The following ANKRD13D variants were observed in gnomAD, a reference collection of about 807,000 sequenced individuals.
ANKRD13D encodes the protein ankyrin repeat domain 13D, also known as ankyrin repeat domain-containing protein 13D.
A neutral mutation model predicts 68.8 loss-of-function variants in ANKRD13D; 24 were observed. The ratio of observed to expected loss-of-function variants is 0.35; its 90% CI spans 0.25 to 0.49. The LOEUF is 0.49. Among genes scored for constraint, ANKRD13D ranks in the 20% least tolerant of loss-of-function variants. The probability of loss-of-function intolerance (pLI) is 0.99; values close to 1 mark genes in which losing one functional copy is unlikely to be tolerated. For missense variants in ANKRD13D, 735 were observed against 832.1 expected (o/e 0.88, Z 1.44); for synonymous variants, 331 against 336.1 (o/e 0.98, Z 0.16).
intron 6 of ANKRD13D, among the ~76,000 whole-genome samples, chr11:67,292,594 T>G (rs894792230): frequency 1.3e-5 from 2 of 151,742 alleles, no homozygotes; most frequent in African/African-American, 4.8e-5. Context: ...ACATGCCCCC[T>G]CTTGCCTTAA....
intron 3 of ANKRD13D, 47 bp downstream of exon 3, chr11:67,290,493 C>T: frequency 6.6e-7 from 1 of 1,521,834 alleles, no homozygotes; most frequent in Non-Finnish European, 8.9e-7. Context: ...GGCAGGGCAC[C>T]ACCCTGGTTA....
Position 67,299,687 on chromosome 11 carries a change from G to C in ANKRD13D, c.880+76G>C. The stretch of plus-strand genomic sequence containing the variant: ...CACCCTGGCCTGGGATTAGGGGCCA[G>C]AGTTTCCCAGGATGAGCTGGGAGGC... On this transcript the variant is annotated intron_variant, in intron 8 of 14. Transcript: ENST00000511455. This position sits in a 1 kb window ranked among gnomAD's most constrained non-coding sequence, Gnocchi z 6.2. 4 of 1,532,662 alleles carry C rather than the reference G, an allele frequency of 2.6e-6. No individual in the cohort carries two copies. Among genetic ancestry groups the C allele is most frequent in the East Asian group, 2.4e-5 (1 of 41,178 alleles). 94.9% of individuals were successfully genotyped at this position (1,532,662 alleles called of 1,614,324 possible). A position where few individuals can be genotyped will look rare whatever the true frequency, so the allele number is the denominator to read the frequency against.
Position 67,301,976 on chromosome 11 carries a change from G to T in ANKRD13D, c.1605-143G>T. Reference sequence around the variant, plus strand: ...GCCACCAAAGGTGGTGTGAGGGGTGGGGAAGCAGGGCCCTGCCTTGTCTCC... The same window carrying T: ...GCCACCAAAGGTGGTGTGAGGGGTGTGGAAGCAGGGCCCTGCCTTGTCTCC... On this transcript the variant is annotated intron_variant, in intron 14 of 14. Coordinates refer to ENST00000511455, the MANE Select transcript of ANKRD13D (RefSeq NM_207354.3). This position sits in a 1 kb window ranked among gnomAD's most constrained non-coding sequence, Gnocchi z 4.5. 1 of 1,341,822 alleles carries T rather than the reference G, an allele frequency of 7.5e-7. No individual in the cohort carries two copies. The highest frequency in any genetic ancestry group is 1.5e-5 in the South Asian group (1 of 66,690). 83.1% of individuals were successfully genotyped at this position (1,341,822 alleles called of 1,614,324 possible). A position where few individuals can be genotyped will look rare whatever the true frequency, so the allele number is the denominator to read the frequency against.
In ANKRD13D at chr11:67,299,547, C is replaced by G. The variant is rs537402292; in HGVS notation, c.816C>G (p.Asn272Lys). Residue 272 changes from asparagine (N) to lysine (K), a missense_variant, in exon 8 of 15, where the codon AAC (asparagine) becomes AAG (lysine). Transcript: ENST00000511455. The surrounding 1 kb of genome is among the most constrained non-coding windows in gnomAD (Gnocchi z 6.2). ...CTCCCCAGGTGTACAGTGCCACCAACGTGGAGCTGGTGACACGCACACGCA... is the reference window on the plus strand; with the variant it reads ...CTCCCCAGGTGTACAGTGCCACCAAGGTGGAGCTGGTGACACGCACACGCA... ...GYEAKVYSAT[N>K]VELVTRTRTE... 2 of 1,550,858 alleles carry G rather than the reference C, an allele frequency of 1.3e-6. No homozygotes were observed. The highest frequency in any genetic ancestry group is 2.4e-5 in the East Asian group (1 of 40,930).
In ANKRD13D at chr11:67,301,646, G is replaced by A. The variant is rs772851895; in HGVS notation, c.1507G>A (p.Glu503Lys). ...QSLLEAGTEA[E>K]QVTVWEALTN... ...CCTGCTTGAAGCGGGCACTGAGGCG[G>A]AGCAGGTGGGACTTGCCCAGGGGGT... The change falls in exon 13 of 15, where the codon GAG (glutamate) becomes AAG (lysine). Residue 503 changes from glutamate (E) to lysine (K), a missense_variant. Coordinates refer to ENST00000511455, the MANE Select transcript of ANKRD13D (RefSeq NM_207354.3). The surrounding 1 kb of genome is among the most constrained non-coding windows in gnomAD (Gnocchi z 4.5). 1.2e-6 allele frequency: 2 copies of A among 1,611,998 alleles called. No individual in the cohort carries two copies. The highest frequency in any genetic ancestry group is 1.7e-6 in the Non-Finnish European group (2 of 1,179,776).
Position 67,289,430 on chromosome 11 carries a change from G to A in ANKRD13D, c.-31G>A. 7.1e-7 allele frequency: 1 copy of A among 1,412,618 alleles called. No individual in the cohort carries two copies. The highest frequency in any genetic ancestry group is 9.2e-7 in the Non-Finnish European group (1 of 1,088,876). 87.5% of individuals were successfully genotyped at this position (1,412,618 alleles called of 1,614,324 possible). A position where few individuals can be genotyped will look rare whatever the true frequency, so the allele number is the denominator to read the frequency against. ...GGGCCGTGCCAGGCCCGAAGCCGAG[G>A]CGGGGCCGGGATGCGGCGCTGAGGC... On this transcript the variant is annotated 5_prime_UTR_variant, in exon 1 of 15. Coordinates refer to ENST00000511455, the MANE Select transcript of ANKRD13D (RefSeq NM_207354.3).
chr11:67,289,742 C>A (rs1394218236), intron 1 of ANKRD13D, 192 bp downstream of exon 1: 1 of 1,407,428 alleles, frequency 7.1e-7, no homozygotes, highest in Admixed American at 3.0e-5. Context: ...CTCTCCCCTG[C>A]GCTGGGCCTT....
At position 67,302,268 on chromosome 11, in the gene ANKRD13D, G is replaced by GGC; in HGVS notation, c.1758_1759dup (p.Gly587AlafsTer23). 1 of 1,569,142 alleles carries GGC rather than the reference G, an allele frequency of 6.4e-7. No individual in the cohort carries two copies. Among genetic ancestry groups the GGC allele is most frequent in the Non-Finnish European group, 8.6e-7 (1 of 1,156,536 alleles). On this transcript the variant is annotated frameshift_variant, in exon 15 of 15. Transcript: ENST00000511455. LOFTEE classifies it high-confidence loss of function. The stretch of plus-strand genomic sequence containing the variant: ...TCACGGGAGCAGGAGGAGCGGGAGC[G>GGC]GCGCGGGCAGCAGGAGGAGGAGGAC...
In ANKRD13D at chr11:67,301,751, T is replaced by C; in HGVS notation, c.1532T>C (p.Leu511Pro). 2.5e-6 allele frequency: 4 copies of C among 1,611,430 alleles called. No individual in the cohort carries two copies. The highest frequency in any genetic ancestry group is 3.4e-6 in the Non-Finnish European group (4 of 1,179,586). ...CTGCAGGTGACCGTCTGGGAAGCCC[T>C]GACCAACACCCGGCCCGGTGCCCGC... ...EAEQVTVWEA[L>P]TNTRPGARPP... Residue 511 changes from leucine (L) to proline (P), a missense_variant, in exon 14 of 15, where the codon CTG (leucine) becomes CCG (proline). Coordinates refer to ENST00000511455, the MANE Select transcript of ANKRD13D (RefSeq NM_207354.3). This position sits in a 1 kb window ranked among gnomAD's most constrained non-coding sequence, Gnocchi z 4.5.
Position 67,291,537 on chromosome 11 carries a change from T to C in ANKRD13D, c.397+16T>C. 1 of 1,613,714 alleles carries C rather than the reference T, an allele frequency of 6.2e-7. No homozygotes were observed. The highest frequency in any genetic ancestry group is 1.3e-5 in the African/African-American group (1 of 74,912). On this transcript the variant is annotated intron_variant, in intron 4 of 14. Transcript: ENST00000511455. ...ACCAGCTGGGGTGAGTGGGGACCTC[T>C]GGGCTCCCAGGGATTTGGGGTGGGG...
In ANKRD13D at chr11:67,290,248, G is replaced by A. The variant is rs917482107; in HGVS notation, c.226+35G>A. On this transcript the variant is annotated intron_variant, in intron 2 of 14. Transcript: ENST00000511455. ...AGGACAAGGGGCTCCCCCTGAGGCT[G>A]GCAGGCGGGGGGCAGTGAGCAGCCA... 23 of 1,544,228 alleles carry A rather than the reference G, an allele frequency of 1.5e-5. No individual in the cohort carries two copies. In the Admixed American group the frequency reaches 2.4e-4, roughly 16 times the overall value.
At position 67,289,348 on chromosome 11, in the gene ANKRD13D, A is replaced by T; in HGVS notation, c.-113A>T. 7.7e-6 allele frequency: 5 copies of T among 653,056 alleles called. No individual in the cohort carries two copies. Among genetic ancestry groups the T allele is most frequent in the Non-Finnish European group, 9.8e-6 (5 of 511,000 alleles). 40.5% of individuals were successfully genotyped at this position (653,056 alleles called of 1,614,324 possible). ...TGCCGCCGCCGCCGCCGCCGCCGCT[A>T]CTGCTGCGGGGGCCGCGGGGGGCGC... On this transcript the variant is annotated 5_prime_UTR_variant, in exon 1 of 15. Coordinates refer to ENST00000511455, the MANE Select transcript of ANKRD13D (RefSeq NM_207354.3).
chr11:67,291,479 C>A lies in ANKRD13D; in HGVS notation c.355C>A (p.Pro119Thr). Residue 119 changes from proline (P) to threonine (T), a missense_variant, in exon 4 of 15, where the codon CCC becomes ACC. Transcript: ENST00000511455. ...PELLNKLRQA[P>T]DFYVEMKWEF... ...AAGCAGCTCTGGTTTCTCTTAGGCC[C>A]CCGATTTCTACGTTGAGATGAAGTG... The A allele has an allele frequency of 6.2e-7, 1 of 1,613,926 alleles. No individual in the cohort carries two copies. The highest frequency in any genetic ancestry group is 8.5e-7 in the Non-Finnish European group (1 of 1,179,994).
In ANKRD13D at chr11:67,290,320, A is replaced by G. The variant is rs907564299; in HGVS notation, c.227-2A>G. 6 of 1,551,114 alleles carry G rather than the reference A, an allele frequency of 3.9e-6. No individual in the cohort carries two copies. Among genetic ancestry groups the G allele is most frequent in the Non-Finnish European group, 5.2e-6 (6 of 1,146,880 alleles). The stretch of plus-strand genomic sequence containing the variant: ...CTCCCCTCAGCAGCCTGGTGCCCGC[A>G]GTCCTGCAGGAGGCAGTCAGCACTG... On this transcript the variant is annotated splice_acceptor_variant, in intron 2 of 14. Transcript: ENST00000511455. LOFTEE classifies it high-confidence loss of function.
chr11:67,290,459 A>G lies in ANKRD13D; in HGVS notation c.351+13A>G. On this transcript the variant is annotated intron_variant, in intron 3 of 14. Coordinates refer to ENST00000511455, the MANE Select transcript of ANKRD13D (RefSeq NM_207354.3). Reference sequence around the variant, plus strand: ...CAAACTTCGCCAGGTACAGCAGGGCACAGTTATGGAGGTGGGGTACCATGG... The same window carrying G: ...CAAACTTCGCCAGGTACAGCAGGGCGCAGTTATGGAGGTGGGGTACCATGG... 6.4e-7 allele frequency: 1 copy of G among 1,564,910 alleles called. No individual in the cohort carries two copies. The highest frequency in any genetic ancestry group is 1.3e-5 in the African/African-American group (1 of 74,302).
At chr11:67,296,012 T>C (rs1860744413) in intron 6 of ANKRD13D, among the ~76,000 whole-genome samples, 1 of 152,236 alleles carries the variant, frequency 6.6e-6, no homozygotes, top group Non-Finnish European at 1.5e-5. Flanking sequence ...AAAAATTCTA[T>C]TGATACATCA....
Position 67,289,491 on chromosome 11 carries a change from C to T in ANKRD13D, c.31C>T (p.His11Tyr). 1 of 1,515,154 alleles carries T rather than the reference C, an allele frequency of 6.6e-7. No homozygotes were observed. Among genetic ancestry groups the T allele is most frequent in the Middle Eastern group, 2.3e-4 (1 of 4,322 alleles). 93.9% of individuals were successfully genotyped at this position (1,515,154 alleles called of 1,614,324 possible). A position where few individuals can be genotyped will look rare whatever the true frequency, so the allele number is the denominator to read the frequency against. ...CGGCCCGGGCCCCACCTTCCCGCTG[C>T]ACCGGCTCGTCTGGGCGAACCGGCA... MAGPGPTFPL[H>Y]RLVWANRHRE... Residue 11 changes from histidine to tyrosine, a missense_variant, in exon 1 of 15, where the codon CAC (histidine) becomes TAC (tyrosine). His to Tyr is a moderately conservative substitution (Grantham distance 83). Transcript: ENST00000511455.
rs1024270392 is a variant in ANKRD13D at position 67,290,536 on chromosome 11, G to C, written c.351+90G>C. On this transcript the variant is annotated intron_variant, in intron 3 of 14. Transcript: ENST00000511455. ...AGGCCTGGCCTTGGAAAGGCACCCA[G>C]TTTGTGCAGTGTGCCTCCTGCCACC... 2.7e-6 allele frequency: 4 copies of C among 1,477,546 alleles called. No homozygotes were observed. In the South Asian group the frequency reaches 5.4e-5, roughly 20 times the overall value. 91.5% of individuals were successfully genotyped at this position (1,477,546 alleles called of 1,614,324 possible). A position where few individuals can be genotyped will look rare whatever the true frequency, so the allele number is the denominator to read the frequency against.
Position 67,299,003 on chromosome 11 carries a change from T to C in ANKRD13D, c.732-55T>C, listed in dbSNP as rs1375540378. The C allele has an allele frequency of 2.5e-6, 4 of 1,595,772 alleles. No homozygotes were observed. The highest frequency in any genetic ancestry group is 3.4e-6 in the Non-Finnish European group (4 of 1,163,416). ...TGGAGGGGGCTTTGGAAAGGAAGGC[T>C]TTGGCCAGCGTGTGAGGGTGCAGGT... is the stretch of plus-strand genomic sequence containing the variant. On this transcript the variant is annotated intron_variant, in intron 6 of 14. Coordinates refer to ENST00000511455, the MANE Select transcript of ANKRD13D (RefSeq NM_207354.3). This position sits in a 1 kb window ranked among gnomAD's most constrained non-coding sequence, Gnocchi z 6.2.
Sources: gnomAD v4.1 joint callset for allele counts (sites outside exome capture counted in the v4.1 genomes callset) on GRCh38, gnomAD v4.1.1 for gene constraint, Gnocchi (gnomAD v3.1) non-coding constraint, MANE v1.5 for transcripts, NCBI Gene and HGNC (gene_info 2026-07-23, HGNC 2026-07-21) for gene names.